ITGB2: variants seen among roughly 807,000 people sequenced by gnomAD.
The protein encoded by ITGB2 is integrin beta-2.
A neutral mutation model predicts 86.8 loss-of-function variants in ITGB2; 56 were observed. The observed-to-expected ratio is 0.65, with a 90% CI of 0.52 to 0.81. The LOEUF (loss-of-function observed/expected upper bound fraction) is 0.81, where lower values mean the gene tolerates loss of function less well. ITGB2 is among the 30% of genes least tolerant of loss of function. The pLI is 0.00. For missense variants in ITGB2, 948 were observed against 1,061.2 expected, an observed-to-expected ratio of 0.89 and a Z score of 1.48; for synonymous variants, 457 against 450.4, an observed-to-expected ratio of 1.01 and a Z score of -0.19.
At position 44,888,875 on chromosome 21, in the gene ITGB2, TTCAG is replaced by T; in HGVS notation, c.1894_1897del (p.Leu632SerfsTer25). ...CTTCCCAAAGGGGCCCTTTTCGAAC[TTCAG>T]GCACTCGGCGCAGGAGCTGCGGGGA... is the stretch of plus-strand genomic sequence containing the variant. On this transcript the variant is annotated frameshift_variant, in exon 14 of 16. Coordinates refer to ENST00000652462, the MANE Select transcript of ITGB2 (RefSeq NM_000211.5). LOFTEE classifies it high-confidence loss of function. 6.2e-7 allele frequency: 1 copy of T among 1,606,966 alleles called. No homozygotes were observed. The highest frequency in any genetic ancestry group is 1.3e-5 in the African/African-American group (1 of 75,022).
chr21:44,899,608 T>C (rs1055671960), intron 7 of ITGB2, among the ~76,000 whole-genome samples: 118 of 152,200 alleles, frequency 7.8e-4, no homozygotes, highest in African/African-American at 2.8e-3. Flanking sequence ...TCTAAAGTCC[T>C]TTGCGGCCCC....
rs185585551 is a variant in ITGB2, at chr21:44,910,037, C to T, written c.147+247G>A. Among the ~76,000 whole-genome samples, 74 of 152,348 alleles carry T rather than the reference C, an allele frequency of 4.9e-4. 1 individual carries two copies. The highest frequency in any genetic ancestry group is 1.4e-3 in the Admixed American group (21 of 15,300). ...CCTTGAAGTACTAAGAGACAAAGGGCTCCATGTCTACAACCTACTCGGAAA... is the reference window on the plus strand; with the variant it reads ...CCTTGAAGTACTAAGAGACAAAGGGTTCCATGTCTACAACCTACTCGGAAA... On this transcript the variant is annotated intron_variant, in intron 3 of 15. Transcript: ENST00000652462.
chr21:44,916,459 T>C (rs2084211619), intron 1 of ITGB2, among the ~76,000 whole-genome samples: 1 of 152,170 alleles, frequency 6.6e-6, no homozygotes, highest in South Asian at 2.1e-4. Flanking sequence ...CCCCGGACAC[T>C]CTTGCTGTGG....
chr21:44,899,191 C>T, intron 7 of ITGB2, 29 bp from the exon 8 acceptor site: 1 of 1,556,258 alleles, frequency 6.4e-7, no homozygotes, highest in Non-Finnish European at 8.9e-7. Context: ...GCTCAGTTGG[C>T]CCCGAGTCCA....
Position 44,890,888 on chromosome 21 carries a change from C to T in ITGB2, c.1413-666G>A, listed in dbSNP as rs556341871. Among the ~76,000 whole-genome samples the T allele has an allele frequency of 2.0e-3, 305 of 152,270 alleles. 3 individuals carry two copies. The highest frequency in any genetic ancestry group is 6.8e-3 in the Middle Eastern group (2 of 294). On this transcript the variant is annotated intron_variant, in intron 11 of 15. Transcript: ENST00000652462. ...CACCCCTACAGTCCCGTGAAGAGGC[C>T]GCCCCAGGGCTGCACACCCAGGACA... is the stretch of plus-strand genomic sequence containing the variant.
At chr21:44,902,129 G>A (rs1035611288) in intron 5 of ITGB2, among the ~76,000 whole-genome samples, 8 of 152,248 alleles carry the variant, frequency 5.3e-5, no homozygotes. Flanking sequence ...CTGTATGCAT[G>A]TGAGCATGTT....
intron 11 of ITGB2, among the ~76,000 whole-genome samples, chr21:44,891,152 A>G (rs1449834035): frequency 6.6e-6 from 1 of 152,186 alleles, no homozygotes; most frequent in Non-Finnish European, 1.5e-5. Flanking sequence ...GCAAGCAAGG[A>G]AAGGGGGACA....
At chr21:44,900,902 G>A (rs549072095) in intron 6 of ITGB2, among the ~76,000 whole-genome samples, 13 of 152,338 alleles carry the variant, frequency 8.5e-5, no homozygotes, top group Middle Eastern at 3.4e-3. Flanking sequence ...CCTGGCAGGC[G>A]CATGTGGGGG....
chr21:44,917,556 G>A (rs1360594998), intron 1 of ITGB2, among the ~76,000 whole-genome samples: 1 of 152,174 alleles, frequency 6.6e-6, no homozygotes, highest in African/African-American at 2.4e-5. Flanking sequence ...CTTCATGGCA[G>A]TGGGACCTCC....
rs145850370 is a variant in ITGB2, at chr21:44,889,349, C to T, written c.1804G>A (p.Glu602Lys). ...GRGRCRCNVC[E>K]CHSGYQLPLC... ...GGCAGCTGGTAGCCTGAATGGCACT[C>T]GCATACGTTGCAGCGGCACCGGCCA... is the stretch of plus-strand genomic sequence containing the variant. The change falls in exon 13 of 16, where the codon GAG becomes AAG. Residue 602 changes from glutamate (E) to lysine (K), a missense_variant. By Grantham distance (56) the Glu-to-Lys change is moderately conservative (BLOSUM62 1). Transcript: ENST00000652462. 4.8e-5 allele frequency: 77 copies of T among 1,612,796 alleles called. No homozygotes were observed. The highest frequency in any genetic ancestry group is 5.9e-5 in the Non-Finnish European group (70 of 1,179,890).
At chr21:44,906,890 G>A in intron 4 of ITGB2, 25 bp downstream of exon 4, 2 of 1,612,538 alleles carry the variant, frequency 1.2e-6, no homozygotes, top group Non-Finnish European at 1.7e-6. Flanking sequence ...ACGGTGCCTG[G>A]CACCACCACC....
intron 1 of ITGB2, among the ~76,000 whole-genome samples, chr21:44,916,372 T>C (rs2084210156): frequency 6.6e-6 from 1 of 151,976 alleles, no homozygotes; most frequent in Non-Finnish European, 1.5e-5. Flanking sequence ...TTTACAGCAT[T>C]TTAGACAAGG....
chr21:44,897,323 C>T (rs975021144), intron 8 of ITGB2, among the ~76,000 whole-genome samples: 2 of 152,204 alleles, frequency 1.3e-5, no homozygotes, highest in South Asian at 4.1e-4. Context: ...CCCCAAACCC[C>T]GAGTATGTCT....
intron 8 of ITGB2, among the ~76,000 whole-genome samples, chr21:44,898,736 A>T (rs2083903961): frequency 6.6e-6 from 1 of 152,260 alleles, no homozygotes; most frequent in South Asian, 2.1e-4. Context: ...GTTCAAATGT[A>T]TGTGAGCATA....
At position 44,888,883 on chromosome 21, in the gene ITGB2, C is replaced by T. The variant is rs1180896334; in HGVS notation, c.1890G>A (p.Glu630=). The T allele has an allele frequency of 2.4e-5, 38 of 1,605,680 alleles. No individual in the cohort carries two copies. Among genetic ancestry groups the T allele is most frequent in the Non-Finnish European group, 3.2e-5 (38 of 1,179,880 alleles). The stretch of plus-strand genomic sequence containing the variant: ...AGGGGCCCTTTTCGAACTTCAGGCA[C>T]TCGGCGCAGGAGCTGCGGGGAGCCA... The part of the protein sequence containing the change: ...SPCGKYISCA[E]CLKFEKGPFG... Residue 630 remains glutamate (E), a synonymous_variant, in exon 14 of 16, where the codon GAG becomes GAA. Coordinates refer to ENST00000652462, the MANE Select transcript of ITGB2 (RefSeq NM_000211.5).
At chr21:44,898,307 G>A (rs993570864) in intron 8 of ITGB2, among the ~76,000 whole-genome samples, 5 of 152,202 alleles carry the variant, frequency 3.3e-5, no homozygotes, top group Non-Finnish European at 7.3e-5. Context: ...CCTGCAGGGA[G>A]GGGACACTGG....
Position 44,891,849 on chromosome 21 carries a change from G to C in ITGB2, c.1372C>G (p.Leu458Val). The C allele has an allele frequency of 6.2e-7, 1 of 1,610,822 alleles. No individual in the cohort carries two copies. Among genetic ancestry groups the C allele is most frequent in the Non-Finnish European group, 8.5e-7 (1 of 1,180,000 alleles). ...TCCAAGAAGCCCTTGCCATGGCAGA[G>C]GCTGCGGTCTCTGCTCTGGTCCCGG... Reference protein sequence around the residue: ...RCRDQSRDRSLCHGKGFLECG... With the variant: ...RCRDQSRDRSVCHGKGFLECG... The change falls in exon 11 of 16, where the codon CTC becomes GTC. Residue 458 changes from leucine (L) to valine (V), a missense_variant. By Grantham distance (32) the Leu-to-Val change is conservative (BLOSUM62 1). Coordinates refer to ENST00000652462, the MANE Select transcript of ITGB2 (RefSeq NM_000211.5).
chr21:44,886,726 G>C lies in ITGB2; in HGVS notation c.2247+10C>G. Reference sequence around the variant, plus strand: ...CCCTCTGCGTGGGACCCCCAAGGACGGCCACTTACATTGTTCCACTGGGAC... The same window carrying C: ...CCCTCTGCGTGGGACCCCCAAGGACCGCCACTTACATTGTTCCACTGGGAC... On this transcript the variant is annotated intron_variant, in intron 15 of 15. Transcript: ENST00000652462. 1 of 1,613,976 alleles carries C rather than the reference G, an allele frequency of 6.2e-7. No homozygotes were observed. Among genetic ancestry groups the C allele is most frequent in the Non-Finnish European group, 8.5e-7 (1 of 1,180,004 alleles).
At chr21:44,926,186 G>A (rs557594364) in intron 1 of ITGB2, among the ~76,000 whole-genome samples, 1 of 150,618 alleles carries the variant, frequency 6.6e-6, no homozygotes, top group African/African-American at 2.5e-5. Context: ...GGAGGGGCTA[G>A]GGACCGTGGG....
Sources: gnomAD v4.1 joint callset for allele counts (sites outside exome capture counted in the v4.1 genomes callset) on GRCh38, gnomAD v4.1.1 for gene constraint, MANE v1.5 for transcripts, NCBI Gene and HGNC (gene_info 2026-07-23, HGNC 2026-07-21) for gene names.